The following GP2 variants were observed in gnomAD, a reference collection of about 807,000 sequenced individuals.
The protein encoded by GP2 is pancreatic secretory granule membrane major glycoprotein GP2.
Under a neutral mutation model 60.8 loss-of-function variants are expected in GP2, and 58 were observed. The observed-to-expected ratio is 0.95, with a 90% confidence interval of 0.77 to 1.19. The LOEUF (loss-of-function observed/expected upper bound fraction) is 1.19. Among genes scored for constraint, GP2 ranks in the 50% most tolerant of loss-of-function variants. GP2 has a pLI of 0.00. For missense variants in GP2, 647 were observed against 667.4 expected (o/e 0.97, Z 0.34); for synonymous variants, 280 against 253.4 (o/e 1.10, Z -1.00).
In GP2 at chr16:20,317,980, A is replaced by G. The variant is rs150291041; in HGVS notation, c.1253+205T>C. ...GTTGCCAAAGTTATCAACGATATTG[A>G]AATGGAAAATATTGACATTTATTTA... On this transcript the variant is annotated intron_variant, in intron 7 of 10. Transcript: ENST00000302555. Among the ~76,000 whole-genome samples the G allele has an allele frequency of 1.4e-4, 21 of 152,314 alleles. No homozygotes were observed. The East Asian group carries it at 4.1e-3, about 29-fold the overall frequency.
intron 6 of GP2, among the ~76,000 whole-genome samples, chr16:20,318,968 C>T (rs1482178250): frequency 6.6e-6 from 1 of 152,126 alleles, no homozygotes; most frequent in Non-Finnish European, 1.5e-5. Flanking sequence ...TTTTTGACAT[C>T]TCAGAAAGTC....
At chr16:20,312,697 C>T (rs1381451138) in intron 10 of GP2, among the ~76,000 whole-genome samples, 1 of 151,762 alleles carries the variant, frequency 6.6e-6, no homozygotes, top group Non-Finnish European at 1.5e-5. Flanking sequence ...GTTGCCCAGG[C>T]TGGAATGCAA....
intron 8 of GP2, 23 bp from the exon 9 acceptor site, chr16:20,316,063 T>C: frequency 4.7e-6 from 7 of 1,497,450 alleles, no homozygotes; most frequent in Non-Finnish European, 6.5e-6. Flanking sequence ...TGAACTTTTA[T>C]TATATCAAAA....
chr16:20,324,411 G>A (rs1221981904), intron 2 of GP2, among the ~76,000 whole-genome samples, 155 bp from the exon 3 acceptor site: 2 of 152,168 alleles, frequency 1.3e-5, no homozygotes, highest in Admixed American at 6.5e-5. Flanking sequence ...ATCACCTTGG[G>A]GGCAGAATAA....
At chr16:20,319,814 A>G (rs773621699) in intron 5 of GP2, 46 bp from the exon 6 acceptor site, 1 of 1,427,696 alleles carries the variant, frequency 7.0e-7, no homozygotes, top group Non-Finnish European at 9.8e-7. Flanking sequence ...GTGTATGTGT[A>G]TGTAGGTGTA....
At chr16:20,315,588 G>C (rs1049372974) in intron 9 of GP2, among the ~76,000 whole-genome samples, 1 of 152,154 alleles carries the variant, frequency 6.6e-6, no homozygotes, top group Non-Finnish European at 1.5e-5. Flanking sequence ...TAAGGAAAAG[G>C]CCACATGTTT....
intron 4 of GP2, among the ~76,000 whole-genome samples, chr16:20,320,841 AT>A (rs1435534353): frequency 6.6e-6 from 1 of 152,184 alleles, no homozygotes; most frequent in African/African-American, 2.4e-5. Context: ...CTCAACATTT[AT>A]TCAACACACA....
chr16:20,325,634 G>A lies in GP2; in HGVS notation c.94+704C>T, dbSNP rs548859984. Among the ~76,000 whole-genome samples the A allele has an allele frequency of 9.8e-5, 15 of 152,330 alleles. No individual in the cohort carries two copies. In the East Asian group the frequency reaches 2.3e-3, roughly 23 times the overall value. ...CTCTAGTTCTATTTTGTTGAATGCT[G>A]TAGATGCCTGAAGAAGGAGCTAAGT... On this transcript the variant is annotated intron_variant, in intron 2 of 10. Coordinates refer to ENST00000302555, the MANE Select transcript of GP2 (RefSeq NM_001502.4).
chr16:20,317,465 C>G, intron 7 of GP2, 90 bp from the exon 8 acceptor site: 1 of 979,192 alleles, frequency 1.0e-6, no homozygotes, highest in Non-Finnish European at 1.6e-6. Flanking sequence ...ATCATGATAA[C>G]GTGGACTTTT....
In GP2 at chr16:20,310,753, CTTTTT is replaced by C. The variant is rs10653884; in HGVS notation, c.*465_*469del. ...ACAGAAACCCCACTATGTTGCTTTT[CTTTTT>C]TTTTTTTTTTTTTCCTGAGACAGAG... is the stretch of plus-strand genomic sequence containing the variant. On this transcript the variant is annotated 3_prime_UTR_variant, in exon 11 of 11. Coordinates refer to ENST00000302555, the MANE Select transcript of GP2 (RefSeq NM_001502.4). The C allele has an allele frequency of 2.6e-4, 34 of 128,936 alleles. No homozygotes were observed. Among genetic ancestry groups the C allele is most frequent in the East Asian group, 2.4e-3 (10 of 4,230 alleles). 8.0% of individuals were successfully genotyped at this position (128,936 alleles called of 1,614,324 possible).
At chr16:20,320,013 C>G (rs190388226) in intron 5 of GP2, among the ~76,000 whole-genome samples, 95 of 152,308 alleles carry the variant, frequency 6.2e-4, no homozygotes, top group Admixed American at 5.0e-3. Context: ...CAGGAACCAA[C>G]AAGCTTGCTT....
intron 4 of GP2, among the ~76,000 whole-genome samples, 153 bp downstream of exon 4, chr16:20,322,712 ACTGG>A (rs1964402350): frequency 1.3e-5 from 2 of 151,998 alleles, no homozygotes; most frequent in South Asian, 4.2e-4. Context: ...TTGCAAACCC[ACTGG>A]CTTTACAGCA....
chr16:20,320,186 G>T, intron 5 of GP2, 76 bp downstream of exon 5: 2 of 1,112,338 alleles, frequency 1.8e-6, no homozygotes, highest in Non-Finnish European at 2.7e-6. Flanking sequence ...GCTTGTCCAA[G>T]ATCTCAGAGC....
intron 10 of GP2, among the ~76,000 whole-genome samples, chr16:20,311,889 C>T (rs1326470274): frequency 6.6e-6 from 1 of 152,258 alleles, no homozygotes; most frequent in African/African-American, 2.4e-5. Flanking sequence ...TTAAAAAGCA[C>T]TGCCTCTGAT....
In GP2 at chr16:20,310,629, C is replaced by T. The variant is rs1052640038; in HGVS notation, c.*594G>A. The T allele has an allele frequency of 1.3e-5, 2 of 152,602 alleles. No homozygotes were observed. Among genetic ancestry groups the T allele is most frequent in the African/African-American group, 4.8e-5 (2 of 41,432 alleles). 9.5% of individuals were successfully genotyped at this position (152,602 alleles called of 1,614,324 possible). ...CCGCTTCCCTGAAGTTAAAAACATG[C>T]ACCACACTTCCGGTAAAGGCTGGAG... is the stretch of plus-strand genomic sequence containing the variant. On this transcript the variant is annotated 3_prime_UTR_variant, in exon 11 of 11. Coordinates refer to ENST00000302555, the MANE Select transcript of GP2 (RefSeq NM_001502.4).
At chr16:20,320,131 C>T (rs1357100240) in intron 5 of GP2, 131 bp downstream of exon 5, 2 of 672,306 alleles carry the variant, frequency 3.0e-6, no homozygotes, top group Admixed American at 5.0e-5. Context: ...TGTAAACCAA[C>T]TTGTGCACTC....
rs754564154 is a variant in GP2 at position 20,311,286 on chromosome 16, A to G, written c.1547-5T>C. The G allele has an allele frequency of 6.3e-7, 1 of 1,579,540 alleles. No individual in the cohort carries two copies. Among genetic ancestry groups the G allele is most frequent in the South Asian group, 1.1e-5 (1 of 90,400 alleles). ...TAGGCCAGGCCACCAGGAACCCTGAAATACAAGAAATATGACTGTCAAGTG... is the reference window on the plus strand; with the variant it reads ...TAGGCCAGGCCACCAGGAACCCTGAGATACAAGAAATATGACTGTCAAGTG... On this transcript the variant is annotated splice_region_variant and splice_polypyrimidine_tract_variant and intron_variant, in intron 10 of 10. Coordinates refer to ENST00000302555, the MANE Select transcript of GP2 (RefSeq NM_001502.4).
chr16:20,321,475 A>G (rs536636026), intron 4 of GP2, among the ~76,000 whole-genome samples: 1 of 152,358 alleles, frequency 6.6e-6, no homozygotes, highest in African/African-American at 2.4e-5. Flanking sequence ...TTATACTTCA[A>G]TATGATAAAG....
intron 1 of GP2, 147 bp from the exon 2 acceptor site, chr16:20,326,614 T>C (rs959867447): frequency 1.4e-5 from 9 of 666,086 alleles, no homozygotes; most frequent in Non-Finnish European, 2.0e-5. Flanking sequence ...GGTGATAAAA[T>C]TGACAGTAAG....
Sources: gnomAD v4.1 joint callset for allele counts (sites outside exome capture counted in the v4.1 genomes callset) on GRCh38, gnomAD v4.1.1 for gene constraint, MANE v1.5 for transcripts, NCBI Gene and HGNC (gene_info 2026-07-23, HGNC 2026-07-21) for gene names.